The following APBB1IP variants were observed in gnomAD, a reference collection of about 807,000 sequenced individuals.
APBB1IP encodes the protein amyloid beta A4 precursor protein-binding family B member 1-interacting protein.
APBB1IP carries 27 observed loss-of-function variants against 64.9 expected under a neutral mutation model. That is an observed-to-expected ratio of 0.42 (90% CI 0.31 to 0.57). The LOEUF (loss-of-function observed/expected upper bound fraction) is 0.57, where lower values mean the gene tolerates loss of function less well. APBB1IP is among the 20% of genes least tolerant of loss of function. APBB1IP has a pLI of 0.20. For synonymous variants in APBB1IP, 392 were observed against 331.0 expected, an observed-to-expected ratio of 1.18 and a Z score of -2.00; for missense variants, 812 against 845.5, an observed-to-expected ratio of 0.96 and a Z score of 0.49.
At chr10:26,444,352 T>C (rs3006803) in intron 2 of APBB1IP, among the ~76,000 whole-genome samples, 37,785 of 152,034 alleles carry the variant, frequency 0.25, 5,001 homozygotes, top group East Asian at 0.49. Context: ...GGAGGGGCCA[T>C]TGCAGGATTC....
At chr10:26,490,026 AAAG>A (rs1247571595) in intron 2 of APBB1IP, among the ~76,000 whole-genome samples, 2 of 152,212 alleles carry the variant, frequency 1.3e-5, no homozygotes, top group East Asian at 1.9e-4. Flanking sequence ...CTCCATCTCA[AAAG>A]AAGAAGAAGA....
intron 8 of APBB1IP, among the ~76,000 whole-genome samples, chr10:26,514,658 C>G (rs1836301510): frequency 6.9e-6 from 1 of 144,744 alleles, no homozygotes; most frequent in Non-Finnish European, 1.5e-5. Context: ...TTTCCAGACA[C>G]CTTTCCCTTT....
chr10:26,481,828 TG>T (rs1564356981), intron 2 of APBB1IP, among the ~76,000 whole-genome samples: 2,499 of 40,236 alleles, frequency 0.062, 70 homozygotes, highest in African/African-American at 0.12. Flanking sequence ...TCTCATTACG[TG>T]TGTGTGTGTG....
At chr10:26,550,572 T>C (rs1268350387) in intron 11 of APBB1IP, among the ~76,000 whole-genome samples, 2 of 152,234 alleles carry the variant, frequency 1.3e-5, no homozygotes, top group African/African-American at 4.8e-5. Flanking sequence ...TTGTTTGTTA[T>C]ACTTTTCAGC....
intron 8 of APBB1IP, among the ~76,000 whole-genome samples, chr10:26,531,550 C>T (rs981094412): frequency 6.6e-6 from 1 of 151,822 alleles, no homozygotes; most frequent in Admixed American, 6.6e-5. Context: ...GCCTGTAGTC[C>T]CAGCTACTCG....
At chr10:26,525,531 C>G (rs1836463304) in intron 8 of APBB1IP, among the ~76,000 whole-genome samples, 1 of 152,194 alleles carries the variant, frequency 6.6e-6, no homozygotes, top group Admixed American at 6.5e-5. Context: ...GATGTGGTCT[C>G]TTTTGGGAAA....
rs117986592 is a variant in APBB1IP at position 26,463,134 on chromosome 10, T to A, written c.-1+24281T>A. ...GTACTGAAAATGGAGCACCCAAGAG[T>A]GCTTAGTAAAATTCACTGGAAGGCC... On this transcript the variant is annotated intron_variant, in intron 2 of 14. Coordinates refer to ENST00000376236, the MANE Select transcript of APBB1IP (RefSeq NM_019043.4). 3.4e-3 allele frequency among the ~76,000 whole-genome samples: 514 copies of A among 151,858 alleles called. 7 individuals carry two copies. In the East Asian group the frequency reaches 0.041, roughly 12 times the overall value.
intron 6 of APBB1IP, among the ~76,000 whole-genome samples, chr10:26,507,210 G>A (rs1363934416): frequency 2.0e-5 from 3 of 152,172 alleles, no homozygotes; most frequent in Admixed American, 6.5e-5. Flanking sequence ...AGGTCATAAA[G>A]GGCCAGGCAC....
intron 7 of APBB1IP, 98 bp from the exon 8 acceptor site, chr10:26,513,441 G>A (rs1240383383): frequency 7.3e-7 from 1 of 1,375,942 alleles, no homozygotes; most frequent in African/African-American, 1.5e-5. Flanking sequence ...CCAGGCACCT[G>A]ATGAAAGTCA....
At chr10:26,444,930 T>C (rs904543623) in intron 2 of APBB1IP, among the ~76,000 whole-genome samples, 2 of 151,916 alleles carry the variant, frequency 1.3e-5, no homozygotes, top group Non-Finnish European at 2.9e-5. Flanking sequence ...AAACCCTGTC[T>C]CTGCTAAAAA....
At chr10:26,504,248 T>C (rs1836143803) in intron 6 of APBB1IP, among the ~76,000 whole-genome samples, 1 of 152,222 alleles carries the variant, frequency 6.6e-6, no homozygotes, top group South Asian at 2.1e-4. Flanking sequence ...GGTTTCAAAA[T>C]AGGTTTTGAG....
chr10:26,551,230 C>A (rs1174997618), intron 11 of APBB1IP, among the ~76,000 whole-genome samples: 3 of 152,202 alleles, frequency 2.0e-5, no homozygotes, highest in Non-Finnish European at 4.4e-5. Context: ...CGTGTTTCAG[C>A]CCCGTTGGTA....
At chr10:26,472,524 C>A (rs1236017473) in intron 2 of APBB1IP, among the ~76,000 whole-genome samples, 1 of 152,194 alleles carries the variant, frequency 6.6e-6, no homozygotes, top group Admixed American at 6.5e-5. Context: ...AAAGGTCATT[C>A]TTTCATTTTC....
chr10:26,468,519 A>G (rs145029941), intron 2 of APBB1IP, among the ~76,000 whole-genome samples: 49 of 152,320 alleles, frequency 3.2e-4, no homozygotes, highest in Admixed American at 1.7e-3. Flanking sequence ...GTGAAAATGA[A>G]CAAGTGATTG....
rs751058519 is a variant in APBB1IP, at chr10:26,529,861, G to A, written c.814-3578G>A. Among the ~76,000 whole-genome samples, 85 of 152,160 alleles carry A rather than the reference G, an allele frequency of 5.6e-4. 2 individuals are homozygous for A. Among genetic ancestry groups the A allele is most frequent in the Admixed American group, 5.2e-3 (79 of 15,270 alleles). ...TTGCCATGTTAGCCAGGCTGGTCTCGAACTGCTGACCTCAGGTGATTCACC... is the reference window on the plus strand; with the variant it reads ...TTGCCATGTTAGCCAGGCTGGTCTCAAACTGCTGACCTCAGGTGATTCACC... On this transcript the variant is annotated intron_variant, in intron 8 of 14. Coordinates refer to ENST00000376236, the MANE Select transcript of APBB1IP (RefSeq NM_019043.4).
chr10:26,443,788 C>T (rs891648534), intron 2 of APBB1IP, among the ~76,000 whole-genome samples: 1 of 152,254 alleles, frequency 6.6e-6, no homozygotes, highest in East Asian at 1.9e-4. Context: ...CCTTCCACCT[C>T]GGGCTCTCAA....
intron 2 of APBB1IP, among the ~76,000 whole-genome samples, chr10:26,455,852 A>G (rs904065415): frequency 6.6e-6 from 1 of 152,238 alleles, no homozygotes; most frequent in South Asian, 2.1e-4. Flanking sequence ...TGTGCAGGCA[A>G]GTGTTCATAC....
chr10:26,471,768 T>TCCG lies in APBB1IP; in HGVS notation c.1-20556_1-20554dup, dbSNP rs368904870. Among the ~76,000 whole-genome samples the TCCG allele has an allele frequency of 2.0e-5, 3 of 152,178 alleles. No individual in the cohort carries two copies. The East Asian group carries it at 5.8e-4, about 29-fold the overall frequency. ...GGCGCAATCTCGGCTCACTGCAACC[T>TCCG]CCGCCTCCTGGGTTCAAGCGATTCC... On this transcript the variant is annotated intron_variant, in intron 2 of 14. Transcript: ENST00000376236.
chr10:26,461,534 T>A (rs1463063496), intron 2 of APBB1IP, among the ~76,000 whole-genome samples: 1 of 145,992 alleles, frequency 6.8e-6, no homozygotes, highest in Non-Finnish European at 1.6e-5. Flanking sequence ...GGAATAATCT[T>A]TTTTTTTTAG....
Sources: allele counts gnomAD v4.1 joint callset (sites outside exome capture counted in the v4.1 genomes callset), GRCh38; gene constraint gnomAD v4.1.1; transcripts MANE v1.5; gene names NCBI Gene and HGNC (gene_info 2026-07-23, HGNC 2026-07-21).